Variants in TMEM135 observed in about 807,000 individuals in gnomAD.
TMEM135 encodes peroxisomal membrane protein 52.
Under a neutral mutation model 60.3 loss-of-function variants are expected in TMEM135, and 30 were observed. The ratio of observed to expected loss-of-function variants is 0.50; its 90% confidence interval spans 0.37 to 0.68. The LOEUF is 0.68. TMEM135 is among the 30% of genes least tolerant of loss of function. TMEM135 has a pLI of 0.00. For missense variants in TMEM135, 468 were observed against 548.8 expected (o/e 0.85, Z 1.47); for synonymous variants, 190 against 186.7 (o/e 1.02, Z -0.14).
chr11:87,296,712 A>C (rs1942353852), intron 7 of TMEM135, among the ~76,000 whole-genome samples: 1 of 152,190 alleles, frequency 6.6e-6, no homozygotes, highest in Non-Finnish European at 1.5e-5. Context: ...ATACTCCAGA[A>C]ATGTTGGATA....
chr11:87,238,727 TG>T (rs1941062216), intron 6 of TMEM135, among the ~76,000 whole-genome samples: 1 of 152,096 alleles, frequency 6.6e-6, no homozygotes, highest in Non-Finnish European at 1.5e-5. Context: ...TCACATAGTT[TG>T]TCTTCATATT....
chr11:87,192,742 C>T (rs1194168939), intron 5 of TMEM135, among the ~76,000 whole-genome samples: 4 of 152,094 alleles, frequency 2.6e-5, no homozygotes. Flanking sequence ...GGTACAAATT[C>T]ATTTTTAATA....
intron 6 of TMEM135, among the ~76,000 whole-genome samples, chr11:87,256,363 T>C (rs1367849236): frequency 6.6e-6 from 1 of 152,170 alleles, no homozygotes; most frequent in Non-Finnish European, 1.5e-5. Context: ...AAGATATAAT[T>C]TGCAAATTAT....
chr11:87,191,422 T>C (rs1411292145), intron 5 of TMEM135, among the ~76,000 whole-genome samples: 1 of 152,090 alleles, frequency 6.6e-6, no homozygotes, highest in East Asian at 1.9e-4. Context: ...TTTGTATTTT[T>C]AGTAGAGACA....
At chr11:87,090,661 C>T (rs1235006782) in intron 3 of TMEM135, among the ~76,000 whole-genome samples, 2 of 152,058 alleles carry the variant, frequency 1.3e-5, no homozygotes, top group African/African-American at 4.8e-5. Flanking sequence ...GTGCTTCATT[C>T]ATTTCTCATA....
At chr11:87,234,939 T>G (rs549313784) in intron 5 of TMEM135, among the ~76,000 whole-genome samples, 3 of 152,018 alleles carry the variant, frequency 2.0e-5, no homozygotes, top group African/African-American at 7.2e-5. Flanking sequence ...TGTGAAAGAT[T>G]TGTGGGATAC....
At chr11:87,217,973 T>G (rs1940538028) in intron 5 of TMEM135, among the ~76,000 whole-genome samples, 1 of 152,168 alleles carries the variant, frequency 6.6e-6, no homozygotes, top group Admixed American at 6.5e-5. Context: ...TAAGATTGTA[T>G]GAGTGTTCCA....
chr11:87,308,163 G>A (rs948358865), intron 9 of TMEM135, among the ~76,000 whole-genome samples: 1 of 152,084 alleles, frequency 6.6e-6, no homozygotes, highest in African/African-American at 2.4e-5. Context: ...AGAACTCTGT[G>A]CCCTCCTCAT....
intron 9 of TMEM135, among the ~76,000 whole-genome samples, chr11:87,307,093 T>G (rs1288591933): frequency 4.6e-5 from 7 of 152,036 alleles, no homozygotes; most frequent in Admixed American, 1.3e-4. Flanking sequence ...GCAATTTTAG[T>G]CTCTACTCAG....
At chr11:87,132,830 T>C (rs1189493859) in intron 4 of TMEM135, among the ~76,000 whole-genome samples, 1 of 150,360 alleles carries the variant, frequency 6.7e-6, no homozygotes, top group Non-Finnish European at 1.5e-5. Flanking sequence ...TATGTTTTTT[T>C]CTCTATACGT....
Position 87,148,785 on chromosome 11 carries a change from A to T in TMEM135, c.397-8556A>T, listed in dbSNP as rs1938480028. ...ATGGGTGAGAAATTTATTTCTTAAT[A>T]AAAATTTCTGAGACTAGACCTTTCA... On this transcript the variant is annotated intron_variant, in intron 4 of 14. Transcript: ENST00000305494. Among the ~76,000 whole-genome samples the T allele has an allele frequency of 1.3e-5, 2 of 152,196 alleles. 1 individual carries two copies. Among genetic ancestry groups the T allele is most frequent in the Admixed American group, 1.3e-4 (2 of 15,278 alleles).
intron 5 of TMEM135, among the ~76,000 whole-genome samples, chr11:87,235,230 A>C (rs969200705): frequency 6.6e-6 from 1 of 151,792 alleles, no homozygotes; most frequent in Non-Finnish European, 1.5e-5. Flanking sequence ...AATGAACCTT[A>C]TGCATCATGG....
chr11:87,102,692 G>GT (rs1857483836), intron 4 of TMEM135, among the ~76,000 whole-genome samples: 1 of 90,388 alleles, frequency 1.1e-5, no homozygotes, highest in Non-Finnish European at 2.0e-5. Context: ...ATATGTGTGT[G>GT]TATATATATA....
intron 1 of TMEM135, among the ~76,000 whole-genome samples, chr11:87,051,074 A>T (rs1949837687): frequency 1.1e-5 from 1 of 92,492 alleles, no homozygotes; most frequent in Non-Finnish European, 1.9e-5. Context: ...CCACATGATT[A>T]TCTCAATAGA....
intron 1 of TMEM135, among the ~76,000 whole-genome samples, chr11:87,041,647 A>T (rs563998795): frequency 8.5e-5 from 13 of 152,340 alleles, no homozygotes; most frequent in African/African-American, 3.1e-4. Context: ...GTAATAGTGC[A>T]TTAATTATGA....
At chr11:87,241,790 T>A (rs1160006318) in intron 6 of TMEM135, among the ~76,000 whole-genome samples, 3 of 152,056 alleles carry the variant, frequency 2.0e-5, no homozygotes, top group Admixed American at 2.0e-4. Context: ...TTTCCTGGCT[T>A]ATTTTACTTA....
intron 4 of TMEM135, among the ~76,000 whole-genome samples, chr11:87,123,070 A>G (rs959055683): frequency 6.6e-6 from 1 of 152,216 alleles, no homozygotes; most frequent in African/African-American, 2.4e-5. Flanking sequence ...AACTTTATTT[A>G]TGGATGCTGA....
intron 4 of TMEM135, among the ~76,000 whole-genome samples, chr11:87,122,405 CAG>C (rs1447283002): frequency 6.8e-6 from 1 of 146,176 alleles, no homozygotes; most frequent in African/African-American, 2.5e-5. Context: ...TAAAAATCTC[CAG>C]AGTTTTTGTT....
chr11:87,161,945 A>G (rs565271485), intron 5 of TMEM135, among the ~76,000 whole-genome samples: 4 of 152,316 alleles, frequency 2.6e-5, no homozygotes, highest in East Asian at 1.9e-4. Flanking sequence ...TGATGCATCA[A>G]TGAATAAAAC....
Sources: gnomAD v4.1 joint callset for allele counts (sites outside exome capture counted in the v4.1 genomes callset) on GRCh38, gnomAD v4.1.1 for gene constraint, MANE v1.5 for transcripts, NCBI Gene and HGNC (gene_info 2026-07-23, HGNC 2026-07-21) for gene names.